DLEU7: variants seen among roughly 807,000 people sequenced by gnomAD.
DLEU7 encodes the protein deleted in lymphocytic leukemia 7, also known as leukemia-associated protein 7.
In DLEU7, 17 loss-of-function variants were observed where a neutral mutation model predicts 16.0. That is an observed-to-expected ratio of 1.06 (90% CI 0.73 to 1.59). The LOEUF is 1.59. DLEU7 is among the 40% of genes most tolerant of loss of function. DLEU7 has a pLI of 0.00. For synonymous variants in DLEU7, 113 were observed against 139.8 expected, an observed-to-expected ratio of 0.81 and a Z score of 1.35; for missense variants, 308 against 314.9, an observed-to-expected ratio of 0.98 and a Z score of 0.17.
intron 1 of DLEU7, among the ~76,000 whole-genome samples, chr13:50,793,286 T>C (rs185084334): frequency 9.2e-4 from 140 of 152,312 alleles, no homozygotes; most frequent in African/African-American, 3.3e-3. Context: ...TCACTATTGA[T>C]GAGCAACTGG....
chr13:50,719,898 T>C (rs1455535100), intron 1 of DLEU7, among the ~76,000 whole-genome samples: 1 of 152,238 alleles, frequency 6.6e-6, no homozygotes, highest in Admixed American at 6.5e-5. Context: ...ATGGCAAGCC[T>C]AGAGAAGCAT....
chr13:50,806,989 A>AG (rs891842030), intron 1 of DLEU7, among the ~76,000 whole-genome samples: 1 of 150,704 alleles, frequency 6.6e-6, no homozygotes, highest in African/African-American at 2.5e-5. Context: ...AAAAAAAAAA[A>AG]AAAAAAAAAG....
At chr13:50,776,024 C>T (rs1339965612) in intron 1 of DLEU7, among the ~76,000 whole-genome samples, 1 of 152,000 alleles carries the variant, frequency 6.6e-6, no homozygotes, top group Non-Finnish European at 1.5e-5. Flanking sequence ...TCAAATCAGC[C>T]TTTTATTCCC....
intron 1 of DLEU7, among the ~76,000 whole-genome samples, chr13:50,715,077 G>T (rs915997725): frequency 6.6e-6 from 1 of 152,082 alleles, no homozygotes. Flanking sequence ...GCTTCCCTGC[G>T]GGCTGTCGGC....
chr13:50,753,957 T>C (rs1454480971), intron 1 of DLEU7, among the ~76,000 whole-genome samples: 1 of 152,248 alleles, frequency 6.6e-6, no homozygotes. Flanking sequence ...AGCAGGTTAT[T>C]TAATTTCCAT....
chr13:50,833,211 G>T (rs1254503483), intron 1 of DLEU7, among the ~76,000 whole-genome samples: 2 of 152,190 alleles, frequency 1.3e-5, no homozygotes, highest in Admixed American at 1.3e-4. Context: ...AATCACGCAA[G>T]AGAAAGAAAT....
chr13:50,839,214 C>T (rs1056701156), intron 1 of DLEU7, among the ~76,000 whole-genome samples: 4 of 152,210 alleles, frequency 2.6e-5, no homozygotes, highest in East Asian at 3.8e-4. Flanking sequence ...AGATAAAACC[C>T]ATCACTTCTT....
intron 1 of DLEU7, among the ~76,000 whole-genome samples, chr13:50,725,397 G>A (rs943879683): frequency 5.3e-5 from 8 of 152,186 alleles, no homozygotes; most frequent in Admixed American, 4.6e-4. Context: ...GCTGTGCACT[G>A]CTTAAGATCT....
At chr13:50,841,395 A>T (rs945451638) in intron 1 of DLEU7, among the ~76,000 whole-genome samples, 1 of 149,436 alleles carries the variant, frequency 6.7e-6, no homozygotes, top group Admixed American at 6.7e-5. Context: ...AATAACATGT[A>T]TTTTTTTTTT....
At chr13:50,761,475 G>T (rs1874929440) in intron 1 of DLEU7, among the ~76,000 whole-genome samples, 1 of 152,170 alleles carries the variant, frequency 6.6e-6, no homozygotes. Flanking sequence ...GGACATGTGG[G>T]ATCCCTAGTG....
chr13:50,809,272 C>G (rs567923473), intron 1 of DLEU7, among the ~76,000 whole-genome samples: 4 of 152,150 alleles, frequency 2.6e-5, no homozygotes, highest in Non-Finnish European at 4.4e-5. Context: ...ACGTTTCACT[C>G]AATCTATTCC....
chr13:50,795,900 G>A (rs1173409587), intron 1 of DLEU7, among the ~76,000 whole-genome samples: 1 of 152,030 alleles, frequency 6.6e-6, no homozygotes, highest in East Asian at 1.9e-4. Flanking sequence ...AAATATGTTA[G>A]GGCAATTGAG....
intron 1 of DLEU7, among the ~76,000 whole-genome samples, chr13:50,803,090 C>T (rs1876293514): frequency 6.6e-6 from 1 of 152,132 alleles, no homozygotes; most frequent in South Asian, 2.1e-4. Flanking sequence ...TAAATCATTT[C>T]ACACATTTGC....
chr13:50,747,754 C>T (rs994979838), intron 1 of DLEU7, among the ~76,000 whole-genome samples: 24 of 152,180 alleles, frequency 1.6e-4, no homozygotes, highest in African/African-American at 5.8e-4. Flanking sequence ...TTGACTTATG[C>T]AGTTGAATGA....
downstream of DLEU7, among the ~76,000 whole-genome samples, chr13:50,817,982 C>A (rs1470743165): frequency 6.6e-6 from 1 of 152,094 alleles, no homozygotes; most frequent in African/African-American, 2.4e-5. Context: ...ATGTCCCCAA[C>A]TTTTATTCTA....
intron 1 of DLEU7, among the ~76,000 whole-genome samples, chr13:50,719,017 C>T (rs1409049985): frequency 6.6e-6 from 1 of 152,148 alleles, no homozygotes; most frequent in East Asian, 1.9e-4. Context: ...ACTTACACAC[C>T]TGGAAATGCT....
intron 1 of DLEU7, among the ~76,000 whole-genome samples, chr13:50,815,851 T>A (rs1454456929): frequency 6.6e-6 from 1 of 152,164 alleles, no homozygotes; most frequent in Non-Finnish European, 1.5e-5. Flanking sequence ...CTTCTGATAC[T>A]ACTAACCAAC....
chr13:50,771,166 T>C (rs1404659694), intron 1 of DLEU7, among the ~76,000 whole-genome samples: 1 of 152,218 alleles, frequency 6.6e-6, no homozygotes, highest in Admixed American at 6.5e-5. Context: ...TTTTCTTCAT[T>C]AGTCTTGCTA....
chr13:50,754,055 A>G (rs532513937), intron 1 of DLEU7, among the ~76,000 whole-genome samples: 1 of 152,044 alleles, frequency 6.6e-6, no homozygotes, highest in African/African-American at 2.4e-5. Context: ...TATAATTTCA[A>G]TTTTCTTAAA....
Sources: allele counts gnomAD v4.1 joint callset (sites outside exome capture counted in the v4.1 genomes callset), GRCh38; gene constraint gnomAD v4.1.1; transcripts MANE v1.5; gene names NCBI Gene and HGNC (gene_info 2026-07-23, HGNC 2026-07-21).